Variants in BCAS1 observed in about 807,000 individuals in gnomAD.
BCAS1 encodes brain enriched myelin associated protein 1, also known as breast carcinoma-amplified sequence 1.
A neutral mutation model predicts 65.4 loss-of-function variants in BCAS1; 46 were observed. That is an observed-to-expected ratio of 0.70 (90% CI 0.55 to 0.90). The LOEUF is 0.90. Among genes scored for constraint, BCAS1 ranks in the 40% least tolerant of loss-of-function variants. The pLI, the probability that BCAS1 is intolerant of heterozygous loss-of-function variation, is 0.00. For synonymous variants in BCAS1, 298 were observed against 293.5 expected, an observed-to-expected ratio of 1.02 and a Z score of -0.16; for missense variants, 793 against 771.2, an observed-to-expected ratio of 1.03 and a Z score of -0.33.
intron 3 of BCAS1, among the ~76,000 whole-genome samples, chr20:54,037,935 T>C (rs1253993114): frequency 6.6e-6 from 1 of 151,386 alleles, no homozygotes; most frequent in Non-Finnish European, 1.5e-5. Context: ...AAAAACCCTG[T>C]TTTCTCACAT....
chr20:53,983,750 T>C lies in BCAS1; in HGVS notation c.1275+1537A>G, dbSNP rs75806935. Among the ~76,000 whole-genome samples the C allele has an allele frequency of 3.3e-5, 5 of 152,340 alleles. No homozygotes were observed. In the East Asian group the frequency reaches 7.7e-4, roughly 24 times the overall value. On this transcript the variant is annotated intron_variant, in intron 8 of 12. Coordinates refer to ENST00000688948, the MANE Select transcript of BCAS1 (RefSeq NM_001366298.2). Reference sequence around the variant, plus strand: ...GCAATCTGTACTCTATGATTCTCCATTGGCTTGGTCAGGACTTTCTTAGCA... The same window carrying C: ...GCAATCTGTACTCTATGATTCTCCACTGGCTTGGTCAGGACTTTCTTAGCA...
chr20:53,977,238 T>C (rs1389076572), intron 8 of BCAS1, among the ~76,000 whole-genome samples: 2 of 152,212 alleles, frequency 1.3e-5, no homozygotes, highest in African/African-American at 4.8e-5. Flanking sequence ...CTGGGGATTA[T>C]GGGGATTACA....
intron 4 of BCAS1, among the ~76,000 whole-genome samples, chr20:54,023,481 C>T (rs1038059700): frequency 6.6e-6 from 1 of 152,104 alleles, no homozygotes; most frequent in African/African-American, 2.4e-5. Context: ...ACTTAAAATG[C>T]GAGAGGGATT....
intron 10 of BCAS1, among the ~76,000 whole-genome samples, chr20:53,959,951 G>T (rs1295267382): frequency 6.6e-6 from 1 of 152,104 alleles, no homozygotes; most frequent in Non-Finnish European, 1.5e-5. Context: ...AACCAGCTCT[G>T]TCAGCCTTCC....
intron 1 of BCAS1, among the ~76,000 whole-genome samples, chr20:54,059,866 A>G (rs1425169037): frequency 6.6e-6 from 1 of 152,232 alleles, no homozygotes. Flanking sequence ...GTGGTCCATC[A>G]TTGACTAAGG....
intron 4 of BCAS1, among the ~76,000 whole-genome samples, chr20:54,004,299 G>T (rs1487556028): frequency 2.0e-5 from 3 of 152,190 alleles, no homozygotes; most frequent in African/African-American, 7.2e-5. Context: ...ACCCAACCAT[G>T]CTGGCATCTT....
intron 8 of BCAS1, among the ~76,000 whole-genome samples, chr20:53,983,830 T>G (rs1440316092): frequency 6.6e-6 from 1 of 152,172 alleles, no homozygotes; most frequent in African/African-American, 2.4e-5. Context: ...TCTCTCTTTC[T>G]TGCTAGATGG....
At chr20:54,014,789 A>T (rs2091397794) in intron 4 of BCAS1, among the ~76,000 whole-genome samples, 1 of 152,224 alleles carries the variant, frequency 6.6e-6, no homozygotes, top group Non-Finnish European at 1.5e-5. Flanking sequence ...ACGCGAGCAC[A>T]GAGGGTTCGA....
At position 54,067,594 on chromosome 20, in the gene BCAS1, C is replaced by T. The variant is rs116359948; in HGVS notation, c.-6+2839G>A. On this transcript the variant is annotated intron_variant, in intron 1 of 12. Transcript: ENST00000688948. ...TCCTGGAAGCTGCCCTCAAATCCCT[C>T]CTCTTTTACACAGTGATTGATGGTC... Among the ~76,000 whole-genome samples the T allele has an allele frequency of 1.1e-3, 175 of 152,312 alleles. 2 individuals are homozygous for T. The South Asian group carries it at 0.035, about 30-fold the overall frequency.
chr20:54,005,344 C>T (rs2091162105), intron 4 of BCAS1, among the ~76,000 whole-genome samples: 1 of 50,058 alleles, frequency 2.0e-5, no homozygotes, highest in South Asian at 7.9e-4. Context: ...AGAAATTAGC[C>T]AGGCATGGTG....
intron 3 of BCAS1, among the ~76,000 whole-genome samples, chr20:54,046,111 G>A: frequency 6.6e-6 from 1 of 152,290 alleles, no homozygotes; most frequent in East Asian, 1.9e-4. Context: ...ATATATGCAT[G>A]TAAAAATAAA....
At chr20:53,994,572 T>C (rs79557448) in intron 6 of BCAS1, among the ~76,000 whole-genome samples, 3,201 of 152,306 alleles carry the variant, frequency 0.021, 136 homozygotes, top group African/African-American at 0.072. Flanking sequence ...AACAAAAATA[T>C]AGCAGCTTTC....
At chr20:53,980,157 T>C (rs1292552545) in intron 8 of BCAS1, among the ~76,000 whole-genome samples, 1 of 152,232 alleles carries the variant, frequency 6.6e-6, no homozygotes, top group Non-Finnish European at 1.5e-5. Flanking sequence ...TAGGTCATAC[T>C]AACTTCAGCC....
chr20:53,960,175 T>A (rs2089831634), intron 10 of BCAS1, among the ~76,000 whole-genome samples: 2 of 151,724 alleles, frequency 1.3e-5, no homozygotes, highest in African/African-American at 4.8e-5. Flanking sequence ...ACATGAAGAG[T>A]CACGCATGAG....
intron 8 of BCAS1, among the ~76,000 whole-genome samples, chr20:53,981,962 C>G (rs2090493835): frequency 6.6e-6 from 1 of 152,152 alleles, no homozygotes; most frequent in Non-Finnish European, 1.5e-5. Context: ...GTCATGACCA[C>G]TGATTGTTCA....
chr20:54,038,169 C>A (rs2091930503), intron 3 of BCAS1, among the ~76,000 whole-genome samples: 1 of 151,216 alleles, frequency 6.6e-6, no homozygotes, highest in Non-Finnish European at 1.5e-5. Flanking sequence ...ACTAGTTATT[C>A]TTTCAATCTG....
At chr20:53,994,938 G>T in intron 6 of BCAS1, 74 bp downstream of exon 6, 2 of 1,277,930 alleles carry the variant, frequency 1.6e-6, no homozygotes, top group South Asian at 1.2e-5. Context: ...CAAAAAACAA[G>T]CAGGCAGACA....
At chr20:54,011,945 T>C (rs1288328820) in intron 4 of BCAS1, among the ~76,000 whole-genome samples, 2 of 152,158 alleles carry the variant, frequency 1.3e-5, no homozygotes. Flanking sequence ...AGAATTATAT[T>C]CACACAAAAA....
At chr20:53,995,861 G>A (rs944357748) in intron 5 of BCAS1, 31 bp downstream of exon 5, 1 of 1,566,484 alleles carries the variant, frequency 6.4e-7, no homozygotes, top group Non-Finnish European at 8.7e-7. Context: ...GAGCAATAGA[G>A]TGGAGGGGAA....
Sources: allele counts gnomAD v4.1 joint callset (sites outside exome capture counted in the v4.1 genomes callset), GRCh38; gene constraint gnomAD v4.1.1; transcripts MANE v1.5; gene names NCBI Gene and HGNC (gene_info 2026-07-23, HGNC 2026-07-21).